MCHR2: variants seen among roughly 807,000 people sequenced by gnomAD.
MCHR2 encodes melanin-concentrating hormone receptor 2.
MCHR2 carries 15 observed loss-of-function variants against 24.8 expected under a neutral mutation model. The observed-to-expected ratio is 0.60, with a 90% CI of 0.40 to 0.93. The LOEUF (loss-of-function observed/expected upper bound fraction) is 0.93. Ranked by LOEUF, MCHR2 falls within the 40% of genes least tolerant of loss-of-function variation. MCHR2 has a pLI of 0.00. For missense variants in MCHR2, 386 were observed against 408.7 expected (o/e 0.94, Z 0.48); for synonymous variants, 151 against 147.6 (o/e 1.02, Z -0.17).
chr6:99,974,412 G>C (rs1425085275), intron 1 of MCHR2, among the ~76,000 whole-genome samples: 1 of 152,164 alleles, frequency 6.6e-6, no homozygotes, highest in Non-Finnish European at 1.5e-5. Context: ...AGCTCCATCA[G>C]CTCCTTTAAG....
intron 4 of MCHR2, among the ~76,000 whole-genome samples, chr6:99,935,759 T>G (rs1770243551): frequency 6.6e-6 from 1 of 151,948 alleles, no homozygotes; most frequent in Admixed American, 6.6e-5. Context: ...GGTAGTTCTA[T>G]TTTTAGTTTT....
At chr6:99,982,714 T>C (rs9496083) in intron 1 of MCHR2, among the ~76,000 whole-genome samples, 48,485 of 151,872 alleles carry the variant, frequency 0.32, 8,278 homozygotes, top group East Asian at 0.55. Flanking sequence ...GAACTCTTGA[T>C]GGAGAAGTGG....
At chr6:99,943,262 T>G in intron 3 of MCHR2, 119 bp from the exon 4 acceptor site, 3 of 494,714 alleles carry the variant, frequency 6.1e-6, no homozygotes, top group Non-Finnish European at 3.3e-6. Flanking sequence ...AGCACACCTC[T>G]ATCAGGGCAA....
chr6:99,975,728 G>A (rs7760129), intron 1 of MCHR2, among the ~76,000 whole-genome samples: 50,155 of 152,084 alleles, frequency 0.33, 8,701 homozygotes, highest in Admixed American at 0.42. Context: ...GAGTAAAGTC[G>A]GGAATGTATT....
rs772778142 is a variant in MCHR2, at chr6:99,947,881, G to A, written c.273C>T (p.His91=). The A allele has an allele frequency of 6.2e-7, 1 of 1,613,750 alleles. No individual in the cohort carries two copies. The highest frequency in any genetic ancestry group is 1.7e-4 in the Middle Eastern group (1 of 6,054). The change falls in exon 3 of 6, where the codon CAC becomes CAT. Residue 91 remains histidine, a synonymous_variant. Coordinates refer to ENST00000281806, the MANE Select transcript of MCHR2 (RefSeq NM_001040179.2). The stretch of plus-strand genomic sequence containing the variant: ...CCCACTCTCCCCCTCGGGCCCATTG[G>A]TGAATAAGAAAAGGCATTCCAACTA... The part of the protein sequence containing the change: ...VHIVGMPFLI[H]QWARGGEWVF...
At chr6:99,970,921 ATC>A (rs1401839049) in intron 1 of MCHR2, among the ~76,000 whole-genome samples, 1 of 152,032 alleles carries the variant, frequency 6.6e-6, no homozygotes, top group African/African-American at 2.4e-5. Flanking sequence ...ATTGATCTAT[ATC>A]TCTGTTTTGG....
At chr6:99,952,316 AAAG>A (rs1426863532) in intron 2 of MCHR2, among the ~76,000 whole-genome samples, 1 of 152,206 alleles carries the variant, frequency 6.6e-6, no homozygotes, top group African/African-American at 2.4e-5. Context: ...GCTTTTAAAA[AAAG>A]GCACATAGAA....
rs779328091 is a variant in MCHR2, at chr6:99,921,146, C to T, written c.817G>A (p.Val273Met). Residue 273 changes from valine (V) to methionine (M), a missense_variant, in exon 6 of 6, where the codon GTG (valine) becomes ATG (methionine). Coordinates refer to ENST00000281806, the MANE Select transcript of MCHR2 (RefSeq NM_001040179.2). ...SAAPYHVIQL[V>M]NLQMEQPTLA... ...GTGGGCTGTTCCATCTGTAAGTTCA[C>T]CAGTTGTATCACATGATAAGGGGCA... 1 of 1,614,086 alleles carries T rather than the reference C, an allele frequency of 6.2e-7. No individual in the cohort carries two copies. The highest frequency in any genetic ancestry group is 1.1e-5 in the South Asian group (1 of 91,078).
intron 2 of MCHR2, among the ~76,000 whole-genome samples, chr6:99,948,936 G>A (rs1485192290): frequency 6.6e-6 from 1 of 152,144 alleles, no homozygotes; most frequent in Non-Finnish European, 1.5e-5. Flanking sequence ...GAGGGAGCTG[G>A]TAGATGGCAC....
At chr6:99,974,854 G>T (rs1197226970) in intron 1 of MCHR2, among the ~76,000 whole-genome samples, 1 of 152,342 alleles carries the variant, frequency 6.6e-6, no homozygotes, top group East Asian at 1.9e-4. Flanking sequence ...ATCAGCAGTG[G>T]TGGCTGCAGA....
rs1430484049 is a variant in MCHR2 at position 99,978,654 on chromosome 6, G to A, written c.-28+15282C>T. Among the ~76,000 whole-genome samples, 5 of 152,090 alleles carry A rather than the reference G, an allele frequency of 3.3e-5. No individual in the cohort carries two copies. In the East Asian group the frequency reaches 7.8e-4, roughly 24 times the overall value. On this transcript the variant is annotated intron_variant, in intron 1 of 5. Coordinates refer to ENST00000281806, the MANE Select transcript of MCHR2 (RefSeq NM_001040179.2). ...AGGATGATCTCGATCTCGTGACCTC[G>A]TGATCTGCCCACCTCGGCCTCCCAA...
At chr6:99,981,591 T>A (rs1040955859) in intron 1 of MCHR2, among the ~76,000 whole-genome samples, 3 of 152,226 alleles carry the variant, frequency 2.0e-5, no homozygotes, top group African/African-American at 7.2e-5. Flanking sequence ...TCCTATTTGT[T>A]TAATGGGAAT....
In MCHR2 at chr6:99,990,389, A is replaced by ATG. The variant is rs750682131; in HGVS notation, c.-28+3545_-28+3546dup. On this transcript the variant is annotated intron_variant, in intron 1 of 5. Coordinates refer to ENST00000281806, the MANE Select transcript of MCHR2 (RefSeq NM_001040179.2). ...AGGATAAACACACTATTTACCCTGT[A>ATG]TGTGTGTGTGTGTATTCATTTACCC... Among the ~76,000 whole-genome samples, 305 of 152,006 alleles carry ATG rather than the reference A, an allele frequency of 2.0e-3. 2 individuals are homozygous for ATG. The highest frequency in any genetic ancestry group is 7.2e-3 in the African/African-American group (297 of 41,488).
chr6:99,922,117 T>G (rs1774248127), intron 5 of MCHR2, among the ~76,000 whole-genome samples: 1 of 151,380 alleles, frequency 6.6e-6, no homozygotes, highest in Non-Finnish European at 1.5e-5. Flanking sequence ...TTTTTTTTTT[T>G]TTTTTTTGAG....
In MCHR2 at chr6:99,929,829, T is replaced by C. The variant is rs918276098; in HGVS notation, c.707+4569A>G. Among the ~76,000 whole-genome samples the C allele has an allele frequency of 4.0e-5, 6 of 149,940 alleles. No individual in the cohort carries two copies. In the East Asian group the frequency reaches 7.7e-4, roughly 19 times the overall value. On this transcript the variant is annotated intron_variant, in intron 5 of 5. Transcript: ENST00000281806. ...TGTGTCTTTTAATTGGAGCATTTAGTCCATTTACATTTAAAGTTAATATTG... is the reference window on the plus strand; with the variant it reads ...TGTGTCTTTTAATTGGAGCATTTAGCCCATTTACATTTAAAGTTAATATTG...
rs1454652726 is a variant in MCHR2, at chr6:99,943,123, G to A, written c.413C>T (p.Pro138Leu). 3 of 1,609,922 alleles carry A rather than the reference G, an allele frequency of 1.9e-6. No homozygotes were observed. Among genetic ancestry groups the A allele is most frequent in the Admixed American group, 1.7e-5 (1 of 59,762 alleles). The change falls in exon 4 of 6, where the codon CCA becomes CTA. Residue 138 changes from proline to leucine, a missense_variant. Pro to Leu is a moderately conservative substitution (Grantham distance 98). Coordinates refer to ENST00000281806, the MANE Select transcript of MCHR2 (RefSeq NM_001040179.2). ...SVDRYFALVQ[P>L]FRLTRWRTRY... Reference sequence around the variant, plus strand: ...TGTTCTCCAACGTGTCAGTCGAAATGGTTGGACGAGGGCAAAGTACCTGCA... The same window carrying A: ...TGTTCTCCAACGTGTCAGTCGAAATAGTTGGACGAGGGCAAAGTACCTGCA...
chr6:99,972,965 G>T (rs1388405597), intron 1 of MCHR2, among the ~76,000 whole-genome samples: 1 of 152,160 alleles, frequency 6.6e-6, no homozygotes, highest in Non-Finnish European at 1.5e-5. Flanking sequence ...ATTTGCTGAG[G>T]AGAGCTTTAC....
intron 4 of MCHR2, among the ~76,000 whole-genome samples, chr6:99,939,773 G>A (rs1774736465): frequency 6.6e-6 from 1 of 150,734 alleles, no homozygotes; most frequent in African/African-American, 2.4e-5. Flanking sequence ...AGATCTGGTG[G>A]TGGTAAATTC....
chr6:99,982,225 A>G (rs1024785931), intron 1 of MCHR2, among the ~76,000 whole-genome samples: 1 of 151,960 alleles, frequency 6.6e-6, no homozygotes, highest in African/African-American at 2.4e-5. Flanking sequence ...TTTGTGGTCC[A>G]TTTCAAATCT....
Sources: allele counts gnomAD v4.1 joint callset (sites outside exome capture counted in the v4.1 genomes callset), GRCh38; gene constraint gnomAD v4.1.1; transcripts MANE v1.5; gene names NCBI Gene and HGNC (gene_info 2026-07-23, HGNC 2026-07-21).